Variants in CSMD1 observed in about 807,000 individuals in gnomAD.
The protein encoded by CSMD1 is CUB and sushi domain-containing protein 1.
CSMD1 carries 213 observed loss-of-function variants against 417.5 expected under a neutral mutation model. The ratio of observed to expected loss-of-function variants is 0.51; its 90% CI spans 0.46 to 0.57. The LOEUF is 0.57. Ranked by LOEUF, CSMD1 falls within the 20% of genes least tolerant of loss-of-function variation. The pLI is 0.00. For missense variants in CSMD1, 6,923 were observed against 4,529.7 expected (o/e 1.53, Z -15.17); for synonymous variants, 2,862 against 1,736.8 (o/e 1.65, Z -16.11).
chr8:3,298,682 G>C (rs1804152850), intron 25 of CSMD1, among the ~76,000 whole-genome samples: 1 of 152,278 alleles, frequency 6.6e-6, no homozygotes, highest in African/African-American at 2.4e-5. Context: ...TTGAACTCCT[G>C]ATCTCAGGTA....
intron 3 of CSMD1, among the ~76,000 whole-genome samples, chr8:4,336,640 C>T (rs534563644): frequency 6.6e-6 from 1 of 152,144 alleles, no homozygotes; most frequent in Non-Finnish European, 1.5e-5. Flanking sequence ...AGCACATGAG[C>T]ATGCTTCACT....
At chr8:4,141,892 G>C (rs914484043) in intron 3 of CSMD1, among the ~76,000 whole-genome samples, 2 of 150,992 alleles carry the variant, frequency 1.3e-5, no homozygotes, top group African/African-American at 5.0e-5. Context: ...AAGGAGGAAA[G>C]AAAACATGAG....
intron 1 of CSMD1, among the ~76,000 whole-genome samples, chr8:4,886,548 T>G (rs575147330): frequency 1.3e-5 from 2 of 152,084 alleles, no homozygotes; most frequent in Non-Finnish European, 2.9e-5. Context: ...CTCTTTTATT[T>G]TTTGAAAGTG....
chr8:3,016,445 C>G (rs1256277756), intron 52 of CSMD1, among the ~76,000 whole-genome samples: 1 of 152,126 alleles, frequency 6.6e-6, no homozygotes, highest in Non-Finnish European at 1.5e-5. Flanking sequence ...ATGCTGTCGC[C>G]CCCCAGCAAA....
At chr8:3,461,470 A>AG (rs1816498692) in intron 12 of CSMD1, among the ~76,000 whole-genome samples, 1 of 152,192 alleles carries the variant, frequency 6.6e-6, no homozygotes. Flanking sequence ...GAGGGGAAGC[A>AG]GGAGTAGCTG....
chr8:3,974,398 G>A (rs1013386922), intron 5 of CSMD1, among the ~76,000 whole-genome samples: 12 of 151,874 alleles, frequency 7.9e-5, no homozygotes, highest in Non-Finnish European at 1.2e-4. Flanking sequence ...AATTAAACAT[G>A]TATTTTTATT....
At chr8:3,150,813 T>G (rs1425104993) in intron 40 of CSMD1, among the ~76,000 whole-genome samples, 4 of 152,220 alleles carry the variant, frequency 2.6e-5, no homozygotes, top group Non-Finnish European at 5.9e-5. Context: ...CATGCATTTC[T>G]GAAGAGAGGC....
chr8:4,748,522 T>A (rs1046983342), intron 1 of CSMD1, among the ~76,000 whole-genome samples: 1 of 152,222 alleles, frequency 6.6e-6, no homozygotes, highest in African/African-American at 2.4e-5. Flanking sequence ...TCTTTGTAAC[T>A]GTTCGTGAAA....
intron 3 of CSMD1, among the ~76,000 whole-genome samples, chr8:4,078,313 C>CCT (rs1799939708): frequency 3.0e-5 from 4 of 131,268 alleles, no homozygotes; most frequent in African/African-American, 5.8e-5. Context: ...TGATATCCAA[C>CCT]TTTTTTTTTT....
Position 3,830,386 on chromosome 8 carries a change from A to C in CSMD1, c.819-76344T>G, listed in dbSNP as rs1057024084. ...GGTTGCTTTCCCTCAAGGAGACGTT[A>C]CCTGGACCGCTTCCAATCAGATGAT... is the stretch of plus-strand genomic sequence containing the variant. On this transcript the variant is annotated intron_variant, in intron 5 of 69. Transcript: ENST00000635120. Among the ~76,000 whole-genome samples, 8 of 152,206 alleles carry C rather than the reference A, an allele frequency of 5.3e-5. 1 individual carries two copies. The highest frequency in any genetic ancestry group is 1.9e-4 in the African/African-American group (8 of 41,462).
rs181674397 is a variant in CSMD1, at chr8:4,073,618, T to C, written c.416-41519A>G. 2.5e-3 allele frequency among the ~76,000 whole-genome samples: 373 copies of C among 152,184 alleles called. 1 individual carries two copies. The highest frequency in any genetic ancestry group is 4.3e-3 in the Non-Finnish European group (293 of 67,954). On this transcript the variant is annotated intron_variant, in intron 3 of 69. Transcript: ENST00000635120. The stretch of plus-strand genomic sequence containing the variant: ...CAGTATTGAGATAAATAAAGCAAAA[T>C]GAATTGAATTTTAATGAATTTATTC...
intron 2 of CSMD1, among the ~76,000 whole-genome samples, chr8:4,626,464 A>G (rs1388146540): frequency 6.6e-6 from 1 of 152,136 alleles, no homozygotes; most frequent in Non-Finnish European, 1.5e-5. Context: ...GTTTAGTGTG[A>G]GATGGGTGCA....
chr8:4,114,823 G>T (rs890545664), intron 3 of CSMD1, among the ~76,000 whole-genome samples: 1 of 152,168 alleles, frequency 6.6e-6, no homozygotes, highest in Non-Finnish European at 1.5e-5. Flanking sequence ...GGTAAAATTA[G>T]AAGGGGAGGC....
chr8:4,188,240 G>C (rs1798799659), intron 3 of CSMD1, among the ~76,000 whole-genome samples: 1 of 152,122 alleles, frequency 6.6e-6, no homozygotes, highest in Admixed American at 6.6e-5. Flanking sequence ...TGAGGACCCA[G>C]AAAACAGCGC....
At chr8:4,298,139 A>G (rs1797786039) in intron 3 of CSMD1, among the ~76,000 whole-genome samples, 1 of 152,180 alleles carries the variant, frequency 6.6e-6, no homozygotes, top group Non-Finnish European at 1.5e-5. Flanking sequence ...CATATTCAAA[A>G]ATGGTATAGA....
rs576878214 is a variant in CSMD1, at chr8:4,784,481, C to T, written c.86-146923G>A. Among the ~76,000 whole-genome samples the T allele has an allele frequency of 3.3e-5, 5 of 152,314 alleles. No individual in the cohort carries two copies. In the South Asian group the frequency reaches 1.0e-3, roughly 32 times the overall value. On this transcript the variant is annotated intron_variant, in intron 1 of 69. Coordinates refer to ENST00000635120, the MANE Select transcript of CSMD1 (RefSeq NM_033225.6). ...AACACTTGCATTGAAATTTTAACTGCTGTTTTACATAGACCAAATATCTTC... is the reference window on the plus strand; with the variant it reads ...AACACTTGCATTGAAATTTTAACTGTTGTTTTACATAGACCAAATATCTTC...
chr8:4,355,053 G>A (rs552187608), intron 3 of CSMD1, among the ~76,000 whole-genome samples: 51 of 152,024 alleles, frequency 3.4e-4, no homozygotes, highest in Non-Finnish European at 6.5e-4. Flanking sequence ...ACGAGGTCAG[G>A]AGATCGAGAC....
chr8:3,623,667 C>G (rs190244088), intron 7 of CSMD1, among the ~76,000 whole-genome samples: 3 of 152,020 alleles, frequency 2.0e-5, no homozygotes, highest in African/African-American at 4.8e-5. Flanking sequence ...AAAACTGAGG[C>G]CAGAGTTAAG....
intron 8 of CSMD1, among the ~76,000 whole-genome samples, chr8:3,590,007 C>A (rs573034857): frequency 6.6e-6 from 1 of 152,050 alleles, no homozygotes; most frequent in African/African-American, 2.4e-5. Context: ...AACAACAGGA[C>A]TGTGCTTGAC....
Sources: gnomAD v4.1 joint callset for allele counts (sites outside exome capture counted in the v4.1 genomes callset) on GRCh38, gnomAD v4.1.1 for gene constraint, MANE v1.5 for transcripts, NCBI Gene and HGNC (gene_info 2026-07-23, HGNC 2026-07-21) for gene names.